Variants in DYNC2H1 observed in about 807,000 individuals in gnomAD.
DYNC2H1 encodes cytoplasmic dynein 2 heavy chain 1.
In DYNC2H1, 410 loss-of-function variants were observed where a neutral mutation model predicts 570.0. That is an observed-to-expected ratio of 0.72 (90% confidence interval 0.66 to 0.78). The LOEUF is 0.78. Among genes scored for constraint, DYNC2H1 ranks in the 30% least tolerant of loss-of-function variants. The pLI, the probability that DYNC2H1 is intolerant of heterozygous loss-of-function variation, is 0.00. For missense variants in DYNC2H1, 4,865 were observed against 5,046.4 expected (o/e 0.96, Z 1.09); for synonymous variants, 1,688 against 1,677.6 (o/e 1.01, Z -0.15).
chr11:103,155,743 T>C (rs1184456143), intron 25 of DYNC2H1, among the ~76,000 whole-genome samples: 1 of 152,154 alleles, frequency 6.6e-6, no homozygotes, highest in East Asian at 1.9e-4. Flanking sequence ...CTAATCACTT[T>C]TAGAAAAGCT....
chr11:103,422,018 A>G, intron 84 of DYNC2H1, among the ~76,000 whole-genome samples: 1 of 152,166 alleles, frequency 6.6e-6, no homozygotes, highest in African/African-American at 2.4e-5. Flanking sequence ...ATCACAACTC[A>G]TGCCACAGAA....
chr11:103,399,973 C>G lies in DYNC2H1; in HGVS notation c.12366+101C>G, dbSNP rs915345681. 6 of 972,708 alleles carry G rather than the reference C, an allele frequency of 6.2e-6. No homozygotes were observed. In the African/African-American group the frequency reaches 9.9e-5, roughly 16 times the overall value. The allele number at this position is 972,708 out of a possible 1,614,324, so 60.3% of individuals were successfully genotyped here. A position where few individuals can be genotyped will look rare whatever the true frequency, so the allele number is the denominator to read the frequency against. On this transcript the variant is annotated intron_variant, in intron 84 of 88. Transcript: ENST00000375735. ...GAATCATATAGTTAATAGCAGAAGA[C>G]CCGAGTCACACTGGCTTAAGCCATA...
chr11:103,282,886 AT>A, intron 72 of DYNC2H1, 121 bp from the exon 73 acceptor site: 1 of 689,768 alleles, frequency 1.4e-6, no homozygotes, highest in Non-Finnish European at 2.4e-6. Flanking sequence ...ATACATAAAA[AT>A]ATAAAGAAAT....
At chr11:103,356,288 C>T (rs1385750601) in intron 82 of DYNC2H1, among the ~76,000 whole-genome samples, 1 of 152,012 alleles carries the variant, frequency 6.6e-6, no homozygotes, top group Admixed American at 6.6e-5. Context: ...ATAGCCCTGT[C>T]CTCATTAATA....
At chr11:103,476,706 C>T (rs1000266044) in intron 88 of DYNC2H1, among the ~76,000 whole-genome samples, 2 of 151,820 alleles carry the variant, frequency 1.3e-5, no homozygotes, top group East Asian at 3.9e-4. Context: ...TATCAAGGGC[C>T]AGAAGAGTCA....
rs952795908 is a variant in DYNC2H1, at chr11:103,203,013, T to C, written c.8198-650T>C. Among the ~76,000 whole-genome samples the C allele has an allele frequency of 1.3e-5, 2 of 152,186 alleles. No individual in the cohort carries two copies. Among genetic ancestry groups the C allele is most frequent in the African/African-American group, 4.8e-5 (2 of 41,458 alleles). ...TCTGATTTCTAGTACAAGTTCATCT[T>C]TTCATTCATTCATTTATGTAAAACA... On this transcript the variant is annotated intron_variant, in intron 50 of 88. Coordinates refer to ENST00000375735, the MANE Select transcript of DYNC2H1 (RefSeq NM_001377.3). The surrounding 1 kb of genome is among the most constrained non-coding windows in gnomAD (Gnocchi z 4.7).
chr11:103,383,741 T>C (rs1356186857), intron 83 of DYNC2H1, among the ~76,000 whole-genome samples: 1 of 152,150 alleles, frequency 6.6e-6, no homozygotes, highest in Non-Finnish European at 1.5e-5. Context: ...CCCAAAGTGC[T>C]GGGATTACAG....
chr11:103,266,270 G>T (rs1865500653), intron 70 of DYNC2H1, among the ~76,000 whole-genome samples: 1 of 152,124 alleles, frequency 6.6e-6, no homozygotes, highest in Non-Finnish European at 1.5e-5. Context: ...GCATTAACCA[G>T]GTGGGGGAGG....
rs371599646 is a variant in DYNC2H1, at chr11:103,202,352, T to C, written c.8198-1311T>C. Among the ~76,000 whole-genome samples the C allele has an allele frequency of 2.2e-3, 319 of 148,212 alleles. 1 individual carries two copies. The highest frequency in any genetic ancestry group is 7.6e-3 in the African/African-American group (306 of 40,326). The stretch of plus-strand genomic sequence containing the variant: ...CAGATAAGCACTAACCTAATAATCA[T>C]TATTTTAAGACAAATTGGTCTTTAT... On this transcript the variant is annotated intron_variant, in intron 50 of 88. Transcript: ENST00000375735.
chr11:103,189,733 A>C lies in DYNC2H1; in HGVS notation c.7354A>C (p.Lys2452Gln). 6.2e-7 allele frequency: 1 copy of C among 1,613,014 alleles called. No homozygotes were observed. The highest frequency in any genetic ancestry group is 8.5e-7 in the Non-Finnish European group (1 of 1,179,444). ...YGAYLEPVLH[K>Q]NLKNHSIWGS... ...AGCATATTTGGAACCAGTTCTACAT[A>C]AAAATCTGAAGAATCATTCTATTTG... The change falls in exon 45 of 89, where the codon AAA becomes CAA. Residue 2452 changes from lysine to glutamine, a missense_variant. Physicochemically the swap from Lys to Gln is moderately conservative, Grantham distance 53. Coordinates refer to ENST00000375735, the MANE Select transcript of DYNC2H1 (RefSeq NM_001377.3). The surrounding 1 kb of genome is among the most constrained non-coding windows in gnomAD (Gnocchi z 4.3).
Position 103,211,917 on chromosome 11 carries a change from T to C in DYNC2H1, c.8668T>C (p.Leu2890=), listed in dbSNP as rs757357948. The C allele has an allele frequency of 4.6e-6, 7 of 1,534,618 alleles. No homozygotes were observed. The South Asian group carries it at 7.6e-5, about 17-fold the overall frequency. ...CATTAGTAGTAGCAAGAAAAAGGAA[T>C]TATTAAAAAGACAAAGTCATTTGCA... is the stretch of plus-strand genomic sequence containing the variant. ...SAISSSKKKE[L]LKRQSHLQAG... Residue 2890 remains leucine, a synonymous_variant, in exon 54 of 89, where the codon TTA becomes CTA. Coordinates refer to ENST00000375735, the MANE Select transcript of DYNC2H1 (RefSeq NM_001377.3).
At chr11:103,273,935 C>T (rs909324091) in intron 70 of DYNC2H1, among the ~76,000 whole-genome samples, 1 of 152,062 alleles carries the variant, frequency 6.6e-6, no homozygotes, top group African/African-American at 2.4e-5. Context: ...TATTTTTTGA[C>T]AACATTTTGG....
chr11:103,311,846 A>G, intron 78 of DYNC2H1, 32 bp from the exon 79 acceptor site: 1 of 1,569,498 alleles, frequency 6.4e-7, no homozygotes, highest in Admixed American at 2.0e-5. Context: ...GTAGGATTTT[A>G]GCAATAGGAT....
chr11:103,462,295 A>G (rs1160509411), intron 87 of DYNC2H1, among the ~76,000 whole-genome samples: 1 of 147,854 alleles, frequency 6.8e-6, no homozygotes, highest in Non-Finnish European at 1.5e-5. Flanking sequence ...CCAAAGATCT[A>G]ATTACATTGA....
chr11:103,429,285 C>T (rs650294), intron 84 of DYNC2H1, among the ~76,000 whole-genome samples: 84,107 of 151,516 alleles, frequency 0.56, 23,950 homozygotes, highest in East Asian at 0.71. Context: ...AACAAAAAAC[C>T]TGAGGTTAGT....
At chr11:103,339,903 G>A (rs1237459702) in intron 82 of DYNC2H1, among the ~76,000 whole-genome samples, 2 of 152,164 alleles carry the variant, frequency 1.3e-5, no homozygotes, top group East Asian at 3.9e-4. Context: ...TGTGAGCACT[G>A]GCAGAATTCT....
chr11:103,327,487 A>G (rs959430219), intron 82 of DYNC2H1, among the ~76,000 whole-genome samples: 1 of 152,192 alleles, frequency 6.6e-6, no homozygotes, highest in Non-Finnish European at 1.5e-5. Flanking sequence ...AACCTTATCA[A>G]TAGAAGTTCA....
At chr11:103,164,589 A>T (rs1459860054) in intron 30 of DYNC2H1, among the ~76,000 whole-genome samples, 1 of 152,202 alleles carries the variant, frequency 6.6e-6, no homozygotes, top group African/African-American at 2.4e-5. Flanking sequence ...TTTAAATATT[A>T]ATCTTTGCTA....
chr11:103,110,960 G>A (rs1343028456), intron 1 of DYNC2H1, among the ~76,000 whole-genome samples: 1 of 152,088 alleles, frequency 6.6e-6, no homozygotes, highest in Non-Finnish European at 1.5e-5. Flanking sequence ...CAAGTAGCTG[G>A]GATTACAGGG....
Sources: gnomAD v4.1 joint callset for allele counts (sites outside exome capture counted in the v4.1 genomes callset) on GRCh38, gnomAD v4.1.1 for gene constraint, Gnocchi (gnomAD v3.1) non-coding constraint, MANE v1.5 for transcripts, NCBI Gene and HGNC (gene_info 2026-07-23, HGNC 2026-07-21) for gene names.